LYRM4: variants seen among roughly 807,000 people sequenced by gnomAD.
LYRM4 encodes LYR motif-containing protein 4.
A neutral mutation model predicts 11.7 loss-of-function variants in LYRM4; 9 were observed. The observed-to-expected ratio is 0.77, with a 90% CI of 0.46 to 1.34. LYRM4 has a LOEUF of 1.34. LYRM4 is among the 40% of genes most tolerant of loss of function. The pLI is 0.00. For synonymous variants in LYRM4, 42 were observed against 40.4 expected (o/e 1.04, Z -0.15); for missense variants, 133 against 112.5 (o/e 1.18, Z -0.82).
chr6:5,144,624 C>CAAAAAAAAAAAAAAAAAAAAAAAAA (rs71540849), intron 2 of LYRM4, among the ~76,000 whole-genome samples: 1 of 37,596 alleles, frequency 2.7e-5, no homozygotes, highest in African/African-American at 9.0e-5. Flanking sequence ...GACTCCGTCT[C>CAAAAAAAAAAAAAAAAAAAAAAAAA]AAAAAAAAAA....
At chr6:5,236,891 AG>A (rs1330738152) in intron 1 of LYRM4, among the ~76,000 whole-genome samples, 3 of 152,048 alleles carry the variant, frequency 2.0e-5, no homozygotes, top group Non-Finnish European at 4.4e-5. Context: ...CAGGAGGTCG[AG>A]GTTGCAGTGG....
chr6:5,037,840 C>T, the LYRM4 span, among the ~76,000 whole-genome samples: 1 of 52,718 alleles, frequency 1.9e-5, no homozygotes. Flanking sequence ...CCCTCCCGGA[C>T]GGGGCGGCTG....
intron 2 of LYRM4, among the ~76,000 whole-genome samples, chr6:5,212,906 C>T (rs1308675059): frequency 5.9e-5 from 9 of 152,134 alleles, no homozygotes; most frequent in Admixed American, 1.3e-4. Flanking sequence ...GAAAGAAAAA[C>T]GAGCTGCCAC....
chr6:5,042,396 G>A, the LYRM4 span: 19 of 152,268 alleles, frequency 1.2e-4, no homozygotes, highest in Non-Finnish European at 2.8e-4. Context: ...TCAATGACTG[G>A]TATTTTATTA....
intron 2 of LYRM4, among the ~76,000 whole-genome samples, chr6:5,169,354 C>G (rs1195571915): frequency 3.3e-5 from 5 of 152,132 alleles, no homozygotes; most frequent in Non-Finnish European, 7.4e-5. Context: ...GGAACTGGCA[C>G]AAACAAAATG....
chr6:5,093,662 T>A, the LYRM4 span, among the ~76,000 whole-genome samples: 1 of 152,238 alleles, frequency 6.6e-6, no homozygotes, highest in Non-Finnish European at 1.5e-5. Flanking sequence ...ATCCAAGGGT[T>A]TCTATAACAA....
chr6:5,140,773 C>T (rs1207101864), intron 2 of LYRM4, among the ~76,000 whole-genome samples: 3 of 152,190 alleles, frequency 2.0e-5, no homozygotes, highest in Non-Finnish European at 4.4e-5. Flanking sequence ...CTTTATGTTA[C>T]GTATATTTTG....
intron 2 of LYRM4, among the ~76,000 whole-genome samples, chr6:5,137,539 T>C (rs1340864830): frequency 1.3e-5 from 2 of 152,214 alleles, no homozygotes; most frequent in Non-Finnish European, 1.5e-5. Context: ...TCTCACTGCA[T>C]TGATACTGAA....
chr6:5,113,481 T>C (rs538978329), intron 2 of LYRM4: 2 of 320,546 alleles, frequency 6.2e-6, no homozygotes, highest in Admixed American at 4.0e-5. Flanking sequence ...GCAGAAGTTA[T>C]AGACGGGCAG....
chr6:5,060,581 A>T, the LYRM4 span, among the ~76,000 whole-genome samples: 2 of 151,590 alleles, frequency 1.3e-5, no homozygotes, highest in Non-Finnish European at 2.9e-5. Flanking sequence ...TAGCACTCCC[A>T]TAGAAAACTC....
At chr6:5,157,294 CAT>C (rs1407304403) in intron 2 of LYRM4, among the ~76,000 whole-genome samples, 3 of 152,236 alleles carry the variant, frequency 2.0e-5, no homozygotes, top group Non-Finnish European at 2.9e-5. Flanking sequence ...TAAAAACAAA[CAT>C]GTAAATAAAT....
chr6:5,153,240 C>T (rs955813778), intron 2 of LYRM4, among the ~76,000 whole-genome samples: 2 of 152,080 alleles, frequency 1.3e-5, no homozygotes, highest in African/African-American at 4.8e-5. Flanking sequence ...TACAGGTGTG[C>T]ACCAACACGC....
At chr6:5,141,027 T>G (rs1757379762) in intron 2 of LYRM4, among the ~76,000 whole-genome samples, 1 of 152,240 alleles carries the variant, frequency 6.6e-6, no homozygotes, top group Non-Finnish European at 1.5e-5. Flanking sequence ...ACCACTACCT[T>G]ATGGTTATAA....
chr6:5,125,078 C>G (rs1257431641), intron 2 of LYRM4, among the ~76,000 whole-genome samples: 1 of 152,226 alleles, frequency 6.6e-6, no homozygotes, highest in African/African-American at 2.4e-5. Context: ...CATACAAGAA[C>G]TGTGAGCATC....
the LYRM4 span, chr6:5,085,550 C>G: frequency 6.5e-7 from 1 of 1,541,292 alleles, no homozygotes; most frequent in African/African-American, 1.4e-5. Context: ...CGAGAGGCCC[C>G]GCCGGCCGAG....
At chr6:5,167,963 T>C (rs1759187120) in intron 2 of LYRM4, among the ~76,000 whole-genome samples, 1 of 151,892 alleles carries the variant, frequency 6.6e-6, no homozygotes, top group African/African-American at 2.4e-5. Flanking sequence ...CAGAGACTAA[T>C]GGGGCCATGT....
At chr6:5,145,467 G>A (rs976753868) in intron 2 of LYRM4, among the ~76,000 whole-genome samples, 2 of 152,140 alleles carry the variant, frequency 1.3e-5, no homozygotes, top group Non-Finnish European at 2.9e-5. Flanking sequence ...AATTTCCCTT[G>A]GTGACTCCGG....
Position 5,109,207 on chromosome 6 carries a change from C to T in LYRM4, c.*216G>A, listed in dbSNP as rs868269743. Reference sequence around the variant, plus strand: ...AACACACAGCACTATTCTGAACGAACTCCAGCTCTCCATTCTAACACTTGA... The same window carrying T: ...AACACACAGCACTATTCTGAACGAATTCCAGCTCTCCATTCTAACACTTGA... On this transcript the variant is annotated 3_prime_UTR_variant, in exon 3 of 3. Transcript: ENST00000330636. 3 of 1,416,874 alleles carry T rather than the reference C, an allele frequency of 2.1e-6. No homozygotes were observed. Among genetic ancestry groups the T allele is most frequent in the Non-Finnish European group, 2.8e-6 (3 of 1,085,816 alleles). 87.8% of individuals were successfully genotyped at this position (1,416,874 alleles called of 1,614,324 possible). A position where few individuals can be genotyped will look rare whatever the true frequency, so the allele number is the denominator to read the frequency against.
the LYRM4 span, among the ~76,000 whole-genome samples, chr6:5,067,847 A>T: frequency 9.7e-4 from 148 of 152,334 alleles, no homozygotes; most frequent in Non-Finnish European, 1.9e-3. Context: ...TGTGTTGAGG[A>T]ATTTTAGCCA....
Sources: allele counts gnomAD v4.1 joint callset (sites outside exome capture counted in the v4.1 genomes callset), GRCh38; gene constraint gnomAD v4.1.1; transcripts MANE v1.5; gene names NCBI Gene and HGNC (gene_info 2026-07-23, HGNC 2026-07-21).